Variants in HYCC1 observed in about 807,000 individuals in gnomAD.
HYCC1 encodes hyccin.
At chr7:22,963,943 C>T in the HYCC1 span, among the ~76,000 whole-genome samples, 2 of 151,834 alleles carry the variant, frequency 1.3e-5, no homozygotes, top group Non-Finnish European at 2.9e-5. Context: ...ATACTAGTAC[C>T]CAAGTCATCA....
At chr7:22,909,459 T>C in the HYCC1 span, among the ~76,000 whole-genome samples, 1 of 152,292 alleles carries the variant, frequency 6.6e-6, no homozygotes. Context: ...GTCTCAAGTA[T>C]TTCTTTACAG....
At chr7:22,948,343 T>C in the HYCC1 span, among the ~76,000 whole-genome samples, 37,203 of 151,998 alleles carry the variant, frequency 0.24, 5,300 homozygotes, top group Non-Finnish European at 0.32. Context: ...TGAGAAACAG[T>C]AACAGGTAGT....
the HYCC1 span, among the ~76,000 whole-genome samples, chr7:22,971,390 G>T: frequency 1.5e-4 from 22 of 150,362 alleles, no homozygotes; most frequent in Non-Finnish European, 2.8e-4. Context: ...GGCTGAAAAG[G>T]GGAAACAGGC....
At chr7:22,927,342 C>T in the HYCC1 span, among the ~76,000 whole-genome samples, 3 of 151,378 alleles carry the variant, frequency 2.0e-5, no homozygotes, top group Non-Finnish European at 2.9e-5. Flanking sequence ...CAGAGCAGAA[C>T]TGAAGGAAAT....
chr7:22,983,956 C>A, the HYCC1 span: 2 of 1,587,548 alleles, frequency 1.3e-6, no homozygotes, highest in Non-Finnish European at 1.7e-6. Context: ...CACTTTGTGG[C>A]TCCTGGATAA....
At chr7:22,902,966 G>C in the HYCC1 span, among the ~76,000 whole-genome samples, 8 of 151,914 alleles carry the variant, frequency 5.3e-5, no homozygotes, top group African/African-American at 1.9e-4. Flanking sequence ...CACATAAAAA[G>C]GTATTCAATA....
the HYCC1 span, chr7:22,943,982 A>G: frequency 6.6e-6 from 1 of 152,206 alleles, no homozygotes; most frequent in Admixed American, 6.6e-5. Flanking sequence ...TTAAACTGGT[A>G]GCCAAAGCAG....
At chr7:22,933,201 T>C in the HYCC1 span, among the ~76,000 whole-genome samples, 1 of 152,196 alleles carries the variant, frequency 6.6e-6, no homozygotes, top group Non-Finnish European at 1.5e-5. Flanking sequence ...AGCTAATTCA[T>C]CAACCTTGAA....
At chr7:22,901,126 T>C in the HYCC1 span, among the ~76,000 whole-genome samples, 2 of 133,574 alleles carry the variant, frequency 1.5e-5, no homozygotes, top group African/African-American at 5.7e-5. Context: ...AAGGCTGAGG[T>C]GGGAGGATCG....
the HYCC1 span, among the ~76,000 whole-genome samples, chr7:23,005,492 G>C: frequency 6.6e-6 from 1 of 152,120 alleles, no homozygotes; most frequent in Non-Finnish European, 1.5e-5. Flanking sequence ...CAGGAGTAAG[G>C]CTTCATCAGA....
the HYCC1 span, among the ~76,000 whole-genome samples, chr7:22,991,338 C>T: frequency 2.0e-5 from 3 of 152,038 alleles, no homozygotes; most frequent in Admixed American, 1.3e-4. Context: ...GTATAAATAT[C>T]ATAACATGAT....
At chr7:22,912,898 C>A in the HYCC1 span, among the ~76,000 whole-genome samples, 2 of 152,142 alleles carry the variant, frequency 1.3e-5, no homozygotes, top group Non-Finnish European at 2.9e-5. Flanking sequence ...TTTGGGAAGC[C>A]AAGACGGGTG....
At chr7:22,960,200 T>G in the HYCC1 span, 1 of 1,545,778 alleles carries the variant, frequency 6.5e-7, no homozygotes, top group Non-Finnish European at 8.9e-7. Flanking sequence ...ATAAGTACAG[T>G]GAAAAATGTA....
the HYCC1 span, chr7:22,939,470 G>T: frequency 6.6e-6 from 1 of 152,102 alleles, no homozygotes; most frequent in Admixed American, 6.5e-5. Context: ...AAAAAAAAGA[G>T]AAATCTTATT....
chr7:22,947,215 A>G, the HYCC1 span: 13 of 1,549,728 alleles, frequency 8.4e-6, no homozygotes, highest in Admixed American at 2.0e-5. Flanking sequence ...AGGATGCCCA[A>G]TTCAGTAGCA....
chr7:23,013,823 C>T, the HYCC1 span: 77 of 418,278 alleles, frequency 1.8e-4, 1 homozygote, highest in East Asian at 2.8e-3. Context: ...AGTCCCGGTC[C>T]TGTCCTCGCC....
chr7:22,906,981 T>C, the HYCC1 span, among the ~76,000 whole-genome samples: 1 of 151,792 alleles, frequency 6.6e-6, no homozygotes, highest in Non-Finnish European at 1.5e-5. Flanking sequence ...GGCGGGCACT[T>C]GTAATCCCAG....
At chr7:22,935,501 T>C in the HYCC1 span, 1 of 152,224 alleles carries the variant, frequency 6.6e-6, no homozygotes, top group African/African-American at 2.4e-5. Flanking sequence ...AAGCCCTCTT[T>C]TATGACTTGG....
At chr7:23,002,142 A>G in the HYCC1 span, among the ~76,000 whole-genome samples, 11 of 19,776 alleles carry the variant, frequency 5.6e-4, no homozygotes, top group African/African-American at 7.9e-4. Flanking sequence ...AATTGTATAT[A>G]TATATATATA....
Sources: allele counts gnomAD v4.1 joint callset (sites outside exome capture counted in the v4.1 genomes callset), GRCh38; gene constraint gnomAD v4.1.1; transcripts MANE v1.5; gene names NCBI Gene and HGNC (gene_info 2026-07-23, HGNC 2026-07-21).